TNS3: variants seen among roughly 807,000 people sequenced by gnomAD.
The protein encoded by TNS3 is tensin-3.
A neutral mutation model predicts 140.9 loss-of-function variants in TNS3; 45 were observed. The ratio of observed to expected loss-of-function variants is 0.32; its 90% confidence interval spans 0.25 to 0.41. TNS3 has a LOEUF of 0.41. Among genes scored for constraint, TNS3 ranks in the 10% least tolerant of loss-of-function variants. The pLI is 1.00. For missense variants in TNS3, 1,716 were observed against 1,906.7 expected (o/e 0.90, Z 1.86); for synonymous variants, 815 against 788.4 (o/e 1.03, Z -0.56).
chr7:47,400,556 C>A, intron 14 of TNS3, 98 bp from the exon 15 acceptor site: 1 of 1,322,712 alleles, frequency 7.6e-7, no homozygotes, highest in Non-Finnish European at 1.1e-6. Context: ...CAGCACCACT[C>A]CCAAATCTGC....
intron 2 of TNS3, among the ~76,000 whole-genome samples, chr7:47,528,727 C>T (rs1799288821): frequency 6.6e-6 from 1 of 152,170 alleles, no homozygotes. Flanking sequence ...ATCTGAAAGT[C>T]AAACTAAACA....
intron 1 of TNS3, among the ~76,000 whole-genome samples, chr7:47,574,649 C>CACACA (rs1314030341): frequency 4.7e-4 from 64 of 134,968 alleles, no homozygotes; most frequent in African/African-American, 1.6e-3. Context: ...ACACACACAC[C>CACACA]CCCACACACA....
intron 16 of TNS3, among the ~76,000 whole-genome samples, chr7:47,376,469 C>T (rs1306357987): frequency 2.0e-5 from 3 of 152,174 alleles, no homozygotes; most frequent in Admixed American, 6.5e-5. Flanking sequence ...TCCTCCCATG[C>T]GCCCAGCACA....
intron 23 of TNS3, 21 bp from the exon 24 acceptor site, chr7:47,297,234 G>C: frequency 6.2e-7 from 1 of 1,601,516 alleles, no homozygotes; most frequent in Non-Finnish European, 8.5e-7. Flanking sequence ...GGAGGAGAAA[G>C]ACAAGAAGGT....
intron 20 of TNS3, among the ~76,000 whole-genome samples, chr7:47,328,783 C>G (rs1414915444): frequency 6.6e-6 from 1 of 152,214 alleles, no homozygotes; most frequent in Non-Finnish European, 1.5e-5. Context: ...CTGCACTGCT[C>G]AAACCCTGCA....
intron 3 of TNS3, among the ~76,000 whole-genome samples, chr7:47,500,262 C>T (rs1349682488): frequency 6.6e-6 from 1 of 152,212 alleles, no homozygotes; most frequent in African/African-American, 2.4e-5. Context: ...CAGGAAATGT[C>T]TGCTGAACTG....
chr7:47,520,585 G>T (rs1245108263), intron 2 of TNS3, among the ~76,000 whole-genome samples: 1 of 152,196 alleles, frequency 6.6e-6, no homozygotes, highest in Non-Finnish European at 1.5e-5. Context: ...AAGGATTTCA[G>T]ACAAAATCCA....
intron 17 of TNS3, among the ~76,000 whole-genome samples, chr7:47,348,188 C>G (rs756159062): frequency 6.6e-6 from 1 of 152,240 alleles, no homozygotes. Context: ...TCAGCTCAGA[C>G]GTGGAGTTTG....
chr7:47,425,921 TAA>T (rs1329395243), intron 9 of TNS3, among the ~76,000 whole-genome samples: 1 of 151,992 alleles, frequency 6.6e-6, no homozygotes, highest in Non-Finnish European at 1.5e-5. Context: ...GAATATAATC[TAA>T]GAGGGAACAT....
Position 47,394,360 on chromosome 7 carries a change from C to G in TNS3, c.1024+2440G>C, listed in dbSNP as rs928944683. ...CCAAGGAGCTCCCTCTCCTCACCAC[C>G]ACGTGGAGACACAAGAAGGCAGGAG... On this transcript the variant is annotated intron_variant, in intron 16 of 30. Transcript: ENST00000311160. 3.0e-4 allele frequency among the ~76,000 whole-genome samples: 45 copies of G among 152,222 alleles called. 1 individual carries two copies.
At chr7:47,446,332 G>C (rs1433668187) in intron 4 of TNS3, among the ~76,000 whole-genome samples, 1 of 152,160 alleles carries the variant, frequency 6.6e-6, no homozygotes, top group African/African-American at 2.4e-5. Flanking sequence ...GTTTTGAAAA[G>C]AGAGCTGCCT....
intron 27 of TNS3, among the ~76,000 whole-genome samples, chr7:47,285,845 T>C (rs1405343317): frequency 4.6e-5 from 7 of 152,030 alleles, no homozygotes; most frequent in Non-Finnish European, 7.4e-5. Flanking sequence ...TGAAATTAGC[T>C]CCCTCGGTGT....
intron 20 of TNS3, among the ~76,000 whole-genome samples, chr7:47,328,669 T>C (rs1478088516): frequency 1.3e-5 from 2 of 152,236 alleles, no homozygotes; most frequent in Non-Finnish European, 2.9e-5. Context: ...CCCTTTCCTC[T>C]GGATGGGGCC....
rs567728380 is a variant in TNS3, at chr7:47,439,795, T to A, written c.-22-137A>T. The A allele has an allele frequency of 7.1e-4, 596 of 834,016 alleles. 1 individual carries two copies. The highest frequency in any genetic ancestry group is 8.6e-4 in the Non-Finnish European group (457 of 529,346). 51.7% of individuals were successfully genotyped at this position (834,016 alleles called of 1,614,324 possible). On this transcript the variant is annotated intron_variant, in intron 5 of 30. Transcript: ENST00000311160. Reference sequence around the variant, plus strand: ...CACCTGGGCGGCCAGCTACGGGAATTTACAGTGTGTGCAGCCTCTGTGCTG... The same window carrying A: ...CACCTGGGCGGCCAGCTACGGGAATATACAGTGTGTGCAGCCTCTGTGCTG...
At position 47,507,677 on chromosome 7, in the gene TNS3, T is replaced by A. The variant is rs192679701; in HGVS notation, c.-152-733A>T. ...TGCCCAGAGGCTGCAGCTGTGATCA[T>A]GAGGCATAAACCTCCCCACGAGCAC... On this transcript the variant is annotated intron_variant, in intron 2 of 30. Transcript: ENST00000311160. 3.0e-3 allele frequency among the ~76,000 whole-genome samples: 455 copies of A among 152,296 alleles called. 3 individuals are homozygous for A. The highest frequency in any genetic ancestry group is 0.01 in the African/African-American group (428 of 41,566).
intron 3 of TNS3, among the ~76,000 whole-genome samples, chr7:47,488,670 C>CA (rs1404875317): frequency 2.0e-5 from 3 of 152,208 alleles, no homozygotes; most frequent in Non-Finnish European, 4.4e-5. Flanking sequence ...TGGACTTCAA[C>CA]ATTTGAATTT....
intron 27 of TNS3, among the ~76,000 whole-genome samples, 190 bp downstream of exon 27, chr7:47,291,765 T>G (rs985037404): frequency 6.6e-6 from 1 of 152,210 alleles, no homozygotes; most frequent in Non-Finnish European, 1.5e-5. Context: ...GACCGGCCCA[T>G]GAAGGCCTTG....
At chr7:47,352,113 T>TTA (rs10647535) in intron 17 of TNS3, among the ~76,000 whole-genome samples, 101,250 of 151,490 alleles carry the variant, frequency 0.67, 34,058 homozygotes, top group Non-Finnish European at 0.7. Context: ...CTTCACACTC[T>TTA]TAGTCTCTCA....
At chr7:47,485,645 C>T (rs546506831) in intron 3 of TNS3, among the ~76,000 whole-genome samples, 2 of 152,358 alleles carry the variant, frequency 1.3e-5, no homozygotes, top group Admixed American at 6.5e-5. Context: ...GTGGCATCCC[C>T]GGGATCCGTC....
Sources: gnomAD v4.1 joint callset for allele counts (sites outside exome capture counted in the v4.1 genomes callset) on GRCh38, gnomAD v4.1.1 for gene constraint, MANE v1.5 for transcripts, NCBI Gene and HGNC (gene_info 2026-07-23, HGNC 2026-07-21) for gene names.